The following CERS3 variants were observed in gnomAD, a reference collection of about 807,000 sequenced individuals.
CERS3 encodes the protein LAG1 homolog, ceramide synthase 3.
In CERS3, 33 loss-of-function variants were observed where a neutral mutation model predicts 50.3. The observed-to-expected ratio is 0.66, with a 90% CI of 0.50 to 0.88. CERS3 has a LOEUF of 0.88. Ranked by LOEUF, CERS3 falls within the 40% of genes least tolerant of loss-of-function variation. The probability of loss-of-function intolerance (pLI) is 0.00; values close to 1 mark genes in which losing one functional copy is unlikely to be tolerated. For synonymous variants in CERS3, 176 were observed against 155.2 expected, an observed-to-expected ratio of 1.13 and a Z score of -0.99; for missense variants, 470 against 460.3, an observed-to-expected ratio of 1.02 and a Z score of -0.19.
At chr15:100,452,472 C>G (rs1449094932) in intron 11 of CERS3, among the ~76,000 whole-genome samples, 1 of 151,976 alleles carries the variant, frequency 6.6e-6, no homozygotes, top group Admixed American at 6.6e-5. Context: ...AATCAAAACA[C>G]AACATATCAA....
intron 11 of CERS3, among the ~76,000 whole-genome samples, chr15:100,403,442 CAA>C (rs1197515982): frequency 6.6e-6 from 1 of 151,810 alleles, no homozygotes; most frequent in Non-Finnish European, 1.5e-5. Context: ...ACAGAAAAAA[CAA>C]TAAGGAAAAC....
chr15:100,466,939 C>T (rs188595371), intron 10 of CERS3, among the ~76,000 whole-genome samples: 12 of 151,508 alleles, frequency 7.9e-5, no homozygotes, highest in African/African-American at 1.9e-4. Context: ...CTGCAACCTC[C>T]GTCTCCCAGG....
At chr15:100,477,248 G>T (rs1182851862) in intron 7 of CERS3, among the ~76,000 whole-genome samples, 1 of 152,220 alleles carries the variant, frequency 6.6e-6, no homozygotes, top group Admixed American at 6.5e-5. Context: ...GACAGAAGAT[G>T]ATAGGCCTGG....
chr15:100,503,168 G>T (rs375465144), intron 2 of CERS3, among the ~76,000 whole-genome samples: 11 of 151,556 alleles, frequency 7.3e-5, no homozygotes, highest in African/African-American at 2.7e-4. Flanking sequence ...TCACAACAAG[G>T]TTGTCAAAAT....
chr15:100,496,146 T>C (rs1170724084), intron 3 of CERS3, among the ~76,000 whole-genome samples: 2 of 152,218 alleles, frequency 1.3e-5, no homozygotes, highest in Non-Finnish European at 2.9e-5. Context: ...TGTAGGGATA[T>C]ACACTAACAG....
At chr15:100,467,637 C>A (rs7172975) in intron 10 of CERS3, among the ~76,000 whole-genome samples, 71,567 of 150,806 alleles carry the variant, frequency 0.47, 17,647 homozygotes, top group Non-Finnish European at 0.55. Context: ...TGGGACATGG[C>A]GAACTGAGGG....
rs1567640146 is a variant in CERS3, at chr15:100,467,852, TAGATAGATAGATAGATAGATAGATAG to T, written c.845+1500_845+1525del. ...ATATATACGTGTATATATATATATA[TAGATAGATAGATAGATAGATAGATAG>T]ATATAGATATAGATATAGATATATT... On this transcript the variant is annotated intron_variant, in intron 10 of 11. Transcript: ENST00000679737. Among the ~76,000 whole-genome samples the T allele has an allele frequency of 6.6e-3, 838 of 126,306 alleles. 21 individuals are homozygous for T. The highest frequency in any genetic ancestry group is 9.4e-3 in the Non-Finnish European group (575 of 61,294). The allele number at this position is 126,306 out of a possible 152,430, so 82.9% of individuals were successfully genotyped here.
chr15:100,485,635 G>A (rs2035461047), intron 4 of CERS3, among the ~76,000 whole-genome samples: 1 of 152,154 alleles, frequency 6.6e-6, no homozygotes. Context: ...CAGCACTTTG[G>A]GAGGCCGAGA....
At chr15:100,490,412 G>A (rs1446838891) in intron 4 of CERS3, among the ~76,000 whole-genome samples, 2 of 152,096 alleles carry the variant, frequency 1.3e-5, no homozygotes, top group Non-Finnish European at 2.9e-5. Context: ...TTTTCATAAT[G>A]TGTGTAATGT....
intron 1 of CERS3, among the ~76,000 whole-genome samples, chr15:100,536,275 G>C (rs545122243): frequency 6.6e-6 from 1 of 152,224 alleles, no homozygotes; most frequent in South Asian, 2.1e-4. Flanking sequence ...GTAATAAGTT[G>C]TGCATTTTGT....
At chr15:100,439,471 C>T (rs1418098211) in intron 11 of CERS3, among the ~76,000 whole-genome samples, 1 of 142,456 alleles carries the variant, frequency 7.0e-6, no homozygotes, top group Non-Finnish European at 1.6e-5. Flanking sequence ...GGAACAAACT[C>T]ACAATCTCTG....
intron 11 of CERS3, among the ~76,000 whole-genome samples, chr15:100,441,320 C>T (rs1416973045): frequency 6.6e-6 from 1 of 151,004 alleles, no homozygotes; most frequent in South Asian, 2.1e-4. Context: ...GACCTCTTAT[C>T]TCTGTGCCCC....
At chr15:100,433,433 A>G (rs1441700469) in intron 11 of CERS3, among the ~76,000 whole-genome samples, 1 of 152,128 alleles carries the variant, frequency 6.6e-6, no homozygotes, top group Non-Finnish European at 1.5e-5. Flanking sequence ...CAGCTTATCT[A>G]TAAGGAGAAG....
intron 11 of CERS3, among the ~76,000 whole-genome samples, chr15:100,442,736 G>T (rs1283838686): frequency 6.6e-6 from 1 of 151,322 alleles, no homozygotes; most frequent in African/African-American, 2.5e-5. Flanking sequence ...CTCCTTCCCA[G>T]ATCTTCTCGG....
chr15:100,420,319 T>C (rs2032325078), intron 11 of CERS3, among the ~76,000 whole-genome samples: 1 of 150,998 alleles, frequency 6.6e-6, no homozygotes, highest in Non-Finnish European at 1.5e-5. Flanking sequence ...GCAAATAAAC[T>C]AGAAAGTCTA....
chr15:100,405,233 TAAAAAAA>T (rs752244347), intron 11 of CERS3, among the ~76,000 whole-genome samples: 5 of 34,894 alleles, frequency 1.4e-4, no homozygotes, highest in Admixed American at 7.3e-4. Context: ...AACTCAATGG[TAAAAAAA>T]AAAAAAAACA....
Position 100,400,542 on chromosome 15 carries a change from CTAAA to C in CERS3, c.*2167_*2170del, listed in dbSNP as rs1233518472. 7 of 152,134 alleles carry C rather than the reference CTAAA, an allele frequency of 4.6e-5. No individual in the cohort carries two copies. The highest frequency in any genetic ancestry group is 1.9e-4 in the East Asian group (1 of 5,178). 9.4% of individuals were successfully genotyped at this position (152,134 alleles called of 1,614,324 possible). ...TCCTTTAAAATTAACCACAAAAGCCCTAAATAGTGTTACAAAAATGAGTATCTAC... is the reference window on the plus strand; with the variant it reads ...TCCTTTAAAATTAACCACAAAAGCCCTAGTGTTACAAAAATGAGTATCTAC... On this transcript the variant is annotated 3_prime_UTR_variant, in exon 12 of 12. Coordinates refer to ENST00000679737, the MANE Select transcript of CERS3 (RefSeq NM_001378789.1).
Position 100,476,090 on chromosome 15 carries a change from C to A in CERS3, c.605G>T (p.Arg202Ile). Residue 202 changes from arginine (R) to isoleucine (I), a missense_variant, in exon 8 of 12, where the codon AGA becomes ATA. By Grantham distance (97) the Arg-to-Ile change is moderately conservative (BLOSUM62 -3). Transcript: ENST00000679737. Reference sequence around the variant, plus strand: ...CTTTGTAAATAAGACACTTACCTTTCTCTTGACATCAAAGCCAAGTCTAAA... The same window carrying A: ...CTTTGTAAATAAGACACTTACCTTTATCTTGACATCAAAGCCAAGTCTAAA... ...LLFRLGFDVK[R>I]KDFLAHIIHH... 1.3e-6 allele frequency: 2 copies of A among 1,555,900 alleles called. No homozygotes were observed. Among genetic ancestry groups the A allele is most frequent in the Non-Finnish European group, 1.7e-6 (2 of 1,156,724 alleles).
chr15:100,513,565 T>C (rs867074624), intron 2 of CERS3, among the ~76,000 whole-genome samples: 1 of 147,214 alleles, frequency 6.8e-6, no homozygotes, highest in South Asian at 2.1e-4. Flanking sequence ...TGAGATAAGA[T>C]CTTGCTCTGT....
Sources: gnomAD v4.1 joint callset for allele counts (sites outside exome capture counted in the v4.1 genomes callset) on GRCh38, gnomAD v4.1.1 for gene constraint, MANE v1.5 for transcripts, NCBI Gene and HGNC (gene_info 2026-07-23, HGNC 2026-07-21) for gene names.